The following PCDHA6 variants were observed in gnomAD, a reference collection of about 807,000 sequenced individuals.
PCDHA6 encodes the protein protocadherin alpha-6.
In PCDHA6, 55 loss-of-function variants were observed where a neutral mutation model predicts 60.3. The observed-to-expected ratio is 0.91, with a 90% CI of 0.73 to 1.14. PCDHA6 has a LOEUF of 1.14. PCDHA6 is among the 50% of genes most tolerant of loss of function. The pLI, the probability that PCDHA6 is intolerant of heterozygous loss-of-function variation, is 0.00. For synonymous variants in PCDHA6, 652 were observed against 557.9 expected (o/e 1.17, Z -2.38); for missense variants, 1,327 against 1,256.5 (o/e 1.06, Z -0.85).
chr5:140,985,845 C>T (rs1381097554), intron 3 of PCDHA6, among the ~76,000 whole-genome samples: 1 of 150,700 alleles, frequency 6.6e-6, no homozygotes, highest in African/African-American at 2.4e-5. Flanking sequence ...GTTCATGCCA[C>T]TCTCCTGCCT....
chr5:140,876,723 C>G, intron 1 of PCDHA6: 2 of 1,614,250 alleles, frequency 1.2e-6, no homozygotes, highest in African/African-American at 2.7e-5. Flanking sequence ...ACCGCGAGAG[C>G]GTGTCGGCCT....
rs2150432258 is a variant in PCDHA6 at position 140,849,188 on chromosome 5, G to T, written c.2394+18703G>T. Reference sequence around the variant, plus strand: ...CTGGCACCGTTCAATTACTCATCACGGTACTGGACAACAATGACAATGCCC... The same window carrying T: ...CTGGCACCGTTCAATTACTCATCACTGTACTGGACAACAATGACAATGCCC... On this transcript the variant is annotated intron_variant, in intron 1 of 3. Transcript: ENST00000529310. The T allele has an allele frequency of 1.1e-3, 1,187 of 1,054,992 alleles. 42 individuals carry two copies. In the African/African-American group the frequency reaches 0.02, roughly 18 times the overall value. The allele number at this position is 1,054,992 out of a possible 1,614,324, so 65.4% of individuals were successfully genotyped here. A position where few individuals can be genotyped will look rare whatever the true frequency, so the allele number is the denominator to read the frequency against.
chr5:140,834,584 G>C (rs2150221913), intron 1 of PCDHA6: 1 of 1,614,122 alleles, frequency 6.2e-7, no homozygotes, highest in Non-Finnish European at 8.5e-7. Flanking sequence ...TCCGGGCGGT[G>C]TGCAAATTCC....
At chr5:140,856,295 T>C (rs782325790) in intron 1 of PCDHA6, 3 of 1,598,412 alleles carry the variant, frequency 1.9e-6, no homozygotes, top group Admixed American at 1.7e-5. Context: ...GAATGGCATT[T>C]TGTTTGTGAA....
Position 140,834,289 on chromosome 5 carries a change from T to C in PCDHA6, c.2394+3804T>C, listed in dbSNP as rs191856620. Reference sequence around the variant, plus strand: ...CTTTCACTCTTTGGATGCACAACAATGGCCACACATCGAGATTGAAATGAA... The same window carrying C: ...CTTTCACTCTTTGGATGCACAACAACGGCCACACATCGAGATTGAAATGAA... On this transcript the variant is annotated intron_variant, in intron 1 of 3. Coordinates refer to ENST00000529310, the MANE Select transcript of PCDHA6 (RefSeq NM_018909.4). 3.2e-4 allele frequency: 379 copies of C among 1,186,074 alleles called. 1 individual carries two copies. Among genetic ancestry groups the C allele is most frequent in the Non-Finnish European group, 1.5e-4 (124 of 833,276 alleles). The allele number at this position is 1,186,074 out of a possible 1,614,324, so 73.5% of individuals were successfully genotyped here.
chr5:140,882,347 G>A (rs1554173687), intron 1 of PCDHA6: 3 of 1,614,198 alleles, frequency 1.9e-6, no homozygotes, highest in South Asian at 2.2e-5. Context: ...CTGGGAGACG[G>A]GTAGTGGCCA....
chr5:140,882,189 T>C, intron 1 of PCDHA6: 2 of 1,519,304 alleles, frequency 1.3e-6, no homozygotes, highest in Admixed American at 2.2e-5. Flanking sequence ...TAGGAAGCCA[T>C]AAAAATTGGG....
intron 1 of PCDHA6, chr5:140,927,498 G>A (rs782816586): frequency 3.1e-6 from 5 of 1,614,138 alleles, no homozygotes; most frequent in Middle Eastern, 1.6e-4. Context: ...ACCTGCTGGT[G>A]CTTACAGCTC....
intron 1 of PCDHA6, among the ~76,000 whole-genome samples, chr5:140,886,270 T>A (rs957205805): frequency 2.0e-5 from 3 of 151,996 alleles, no homozygotes; most frequent in Admixed American, 6.5e-5. Flanking sequence ...ATAGATAAAA[T>A]TTTTTAAAAT....
chr5:140,883,421 G>A (rs1398671591), intron 1 of PCDHA6: 1 of 1,614,022 alleles, frequency 6.2e-7, no homozygotes, highest in Non-Finnish European at 8.5e-7. Flanking sequence ...AAATGGACAG[G>A]TCACCTGCAC....
intron 1 of PCDHA6, chr5:140,851,778 A>G: frequency 3.1e-6 from 3 of 964,858 alleles, no homozygotes; most frequent in Non-Finnish European, 3.8e-6. Context: ...ATGAATTTAG[A>G]TGAGAATTCA....
At chr5:140,968,152 C>A (rs782362724) in intron 1 of PCDHA6, 6 of 1,614,054 alleles carry the variant, frequency 3.7e-6, no homozygotes, top group Non-Finnish European at 1.7e-6. Flanking sequence ...TCTCTGACAT[C>A]AATGACAATC....
At chr5:140,965,827 A>G (rs2095939185) in intron 1 of PCDHA6, among the ~76,000 whole-genome samples, 1 of 152,172 alleles carries the variant, frequency 6.6e-6, no homozygotes, top group Non-Finnish European at 1.5e-5. Context: ...TAAACATTTA[A>G]ATATTGGTTA....
intron 1 of PCDHA6, chr5:140,857,485 G>C (rs1554150101): frequency 6.3e-7 from 1 of 1,598,368 alleles, no homozygotes; most frequent in Non-Finnish European, 8.6e-7. Context: ...TGTCTGCGTG[G>C]GACGCGGACG....
Position 140,875,657 on chromosome 5 carries a change from G to T in PCDHA6, c.2394+45172G>T, listed in dbSNP as rs1241102848. 6 of 1,613,738 alleles carry T rather than the reference G, an allele frequency of 3.7e-6. No homozygotes were observed. The East Asian group carries it at 1.1e-4, about 30-fold the overall frequency. Reference sequence around the variant, plus strand: ...CTGGAGCTGGCGGAGCTGGTGCCGCGCCTGTTCCGGGTGGCGTCCAAAAGA... The same window carrying T: ...CTGGAGCTGGCGGAGCTGGTGCCGCTCCTGTTCCGGGTGGCGTCCAAAAGA... On this transcript the variant is annotated intron_variant, in intron 1 of 3. Coordinates refer to ENST00000529310, the MANE Select transcript of PCDHA6 (RefSeq NM_018909.4).
At position 140,927,035 on chromosome 5, in the gene PCDHA6, C is replaced by A. The variant is rs1554203936; in HGVS notation, c.2395-51914C>A. 2 of 1,612,296 alleles carry A rather than the reference C, an allele frequency of 1.2e-6. No homozygotes were observed. The highest frequency in any genetic ancestry group is 1.7e-6 in the Non-Finnish European group (2 of 1,178,902). Reference sequence around the variant, plus strand: ...TCCGCGGACTTGAGGCTGCCAGCGGCCGCTATGTCCTCGCGGAACTTTCGC... The same window carrying A: ...TCCGCGGACTTGAGGCTGCCAGCGGACGCTATGTCCTCGCGGAACTTTCGC... On this transcript the variant is annotated intron_variant, in intron 1 of 3. Transcript: ENST00000529310.
intron 1 of PCDHA6, chr5:140,929,083 A>G (rs1554206659): frequency 1.2e-6 from 2 of 1,614,156 alleles, no homozygotes; most frequent in Admixed American, 3.3e-5. Context: ...TGGAAGTAAG[A>G]TGGTTTCAAA....
chr5:140,829,152 C>T lies in PCDHA6; in HGVS notation c.1061C>T (p.Ser354Phe). ...NDNVPEIALT[S>F]LSLPVREDAQ... is the part of the protein sequence containing the mutation. ...AACGTCCCTGAGATAGCACTGACTT[C>T]CTTATCCTTGCCTGTACGTGAAGAC... is the stretch of plus-strand genomic sequence containing the variant. The change falls in exon 1 of 4, where the codon TCC becomes TTC. Residue 354 changes from serine (S) to phenylalanine (F), a missense_variant. Coordinates refer to ENST00000529310, the MANE Select transcript of PCDHA6 (RefSeq NM_018909.4). 1 of 1,613,972 alleles carries T rather than the reference C, an allele frequency of 6.2e-7. No homozygotes were observed. Among genetic ancestry groups the T allele is most frequent in the Non-Finnish European group, 8.5e-7 (1 of 1,179,830 alleles).
At chr5:140,915,686 A>G (rs1440972076) in intron 1 of PCDHA6, among the ~76,000 whole-genome samples, 2 of 150,988 alleles carry the variant, frequency 1.3e-5, no homozygotes, top group African/African-American at 2.4e-5. Flanking sequence ...AACTAGGGGT[A>G]TGGTGATGCA....
Sources: gnomAD v4.1 joint callset for allele counts (sites outside exome capture counted in the v4.1 genomes callset) on GRCh38, gnomAD v4.1.1 for gene constraint, MANE v1.5 for transcripts, NCBI Gene and HGNC (gene_info 2026-07-23, HGNC 2026-07-21) for gene names.